Variants in MYBL1 observed in about 807,000 individuals in gnomAD.
MYBL1 encodes the protein myb-related protein A.
In MYBL1, 17 loss-of-function variants were observed where a neutral mutation model predicts 96.3. That is an observed-to-expected ratio of 0.18 (90% CI 0.12 to 0.26). The LOEUF (loss-of-function observed/expected upper bound fraction) is 0.26. MYBL1 is among the 10% of genes least tolerant of loss of function. MYBL1 has a pLI of 1.00. For missense variants in MYBL1, 701 were observed against 882.9 expected (o/e 0.79, Z 2.61); for synonymous variants, 282 against 292.7 (o/e 0.96, Z 0.37).
intron 12 of MYBL1, among the ~76,000 whole-genome samples, chr8:66,571,261 GT>G (rs1166271982): frequency 6.6e-6 from 1 of 152,168 alleles, no homozygotes; most frequent in East Asian, 1.9e-4. Flanking sequence ...ACACTTCCCA[GT>G]CCTATTCATT....
In MYBL1 at chr8:66,573,602, C is replaced by T. The variant is rs780117322; in HGVS notation, c.1471-96G>A. ...AGATTTTCAAATTATTTCTTCATACCTCTTAAAAAAAGCTTATGAATAATA... is the reference window on the plus strand; with the variant it reads ...AGATTTTCAAATTATTTCTTCATACTTCTTAAAAAAAGCTTATGAATAATA... On this transcript the variant is annotated intron_variant, in intron 10 of 15. Transcript: ENST00000522677. The T allele has an allele frequency of 1.8e-4, 192 of 1,093,886 alleles. 1 individual carries two copies. Among genetic ancestry groups the T allele is most frequent in the Non-Finnish European group, 2.4e-4 (189 of 803,338 alleles). The allele number at this position is 1,093,886 out of a possible 1,614,324, so 67.8% of individuals were successfully genotyped here. A position where few individuals can be genotyped will look rare whatever the true frequency, so the allele number is the denominator to read the frequency against.
At chr8:66,572,964 C>T (rs2129750379) in intron 11 of MYBL1, among the ~76,000 whole-genome samples, 1 of 152,166 alleles carries the variant, frequency 6.6e-6, no homozygotes. Context: ...CCTATAATCC[C>T]AGCACTTTGG....
At chr8:66,596,026 C>T (rs1459626338) in intron 5 of MYBL1, among the ~76,000 whole-genome samples, 1 of 151,990 alleles carries the variant, frequency 6.6e-6, no homozygotes, top group Non-Finnish European at 1.5e-5. Context: ...TCTCGTGGAG[C>T]TTACACTCTC....
chr8:66,586,116 G>A (rs917692899), intron 8 of MYBL1, among the ~76,000 whole-genome samples: 10 of 142,834 alleles, frequency 7.0e-5, no homozygotes, highest in African/African-American at 2.7e-4. Context: ...TGCCATCCCA[G>A]CTCACTGCAC....
chr8:66,566,272 A>G, intron 14 of MYBL1, 29 bp from the exon 15 acceptor site: 1 of 1,343,720 alleles, frequency 7.4e-7, no homozygotes, highest in South Asian at 1.4e-5. Flanking sequence ...AGAGGAAAAT[A>G]ACTAATTCAA....
At chr8:66,571,741 C>T (rs1454429321) in intron 12 of MYBL1, among the ~76,000 whole-genome samples, 2 of 151,212 alleles carry the variant, frequency 1.3e-5, no homozygotes, top group East Asian at 2.0e-4. Context: ...ATTAGCTGGG[C>T]GTGGTGGCGC....
Position 66,564,833 on chromosome 8 carries a change from G to A in MYBL1, c.2131-8C>T, listed in dbSNP as rs1426929155. ...TTCCCATTCACAATTTGACTAGAAA[G>A]GAAATATTAATAGTGACATGAAAAT... is the stretch of plus-strand genomic sequence containing the variant. On this transcript the variant is annotated splice_polypyrimidine_tract_variant and splice_region_variant and intron_variant, in intron 15 of 15. Coordinates refer to ENST00000522677, the MANE Select transcript of MYBL1 (RefSeq NM_001080416.4). 4 of 1,544,274 alleles carry A rather than the reference G, an allele frequency of 2.6e-6. No homozygotes were observed. The highest frequency in any genetic ancestry group is 1.2e-5 in the South Asian group (1 of 82,842).
At chr8:66,579,718 CA>C (rs973382051) in intron 9 of MYBL1, among the ~76,000 whole-genome samples, 4 of 147,480 alleles carry the variant, frequency 2.7e-5, no homozygotes, top group Non-Finnish European at 4.5e-5. Context: ...GGGTGGAAAA[CA>C]AAAAAAAATC....
intron 2 of MYBL1, among the ~76,000 whole-genome samples, chr8:66,602,100 G>A (rs776989585): frequency 1.3e-5 from 2 of 151,926 alleles, no homozygotes; most frequent in Non-Finnish European, 2.9e-5. Context: ...CCAGGCTGGA[G>A]TGCAGTGGTG....
At chr8:66,595,787 A>C (rs2129962689) in intron 5 of MYBL1, 30 bp from the exon 6 acceptor site, 2 of 1,386,772 alleles carry the variant, frequency 1.4e-6, no homozygotes, top group Admixed American at 2.9e-5. Flanking sequence ...ATTTAAAAAG[A>C]AAAAAGGATT....
intron 10 of MYBL1, among the ~76,000 whole-genome samples, chr8:66,575,319 T>A (rs16932985): frequency 0.1 from 15,954 of 152,226 alleles, 1,872 homozygotes; most frequent in African/African-American, 0.28. Flanking sequence ...GCCACTTTAA[T>A]CTTTATCAGG....
In MYBL1 at chr8:66,562,906, CTATATATATATATAAA is replaced by C. The variant is rs1466456277; in HGVS notation, c.*1775_*1790del. On this transcript the variant is annotated 3_prime_UTR_variant, in exon 16 of 16. Transcript: ENST00000522677. ...TACCATACATTTTCTTCACTTCTCA[CTATATATATATATAAA>C]TATATATATATATAAAATATGCAAA... The C allele has an allele frequency of 6.8e-6, 1 of 147,200 alleles. No individual in the cohort carries two copies. The highest frequency in any genetic ancestry group is 2.5e-5 in the African/African-American group (1 of 40,408). The allele number at this position is 147,200 out of a possible 1,614,324, so 9.1% of individuals were successfully genotyped here.
At chr8:66,570,824 A>G (rs1808699518) in intron 12 of MYBL1, among the ~76,000 whole-genome samples, 1 of 152,236 alleles carries the variant, frequency 6.6e-6, no homozygotes, top group Non-Finnish European at 1.5e-5. Context: ...AAAAAGTGTT[A>G]TAAAATAATA....
intron 1 of MYBL1, among the ~76,000 whole-genome samples, chr8:66,603,323 G>A (rs1355594404): frequency 6.6e-6 from 1 of 151,994 alleles, no homozygotes; most frequent in African/African-American, 2.4e-5. Flanking sequence ...CTGACAAATG[G>A]TAATGGTAAA....
chr8:66,605,527 A>G (rs1348682950), intron 1 of MYBL1, among the ~76,000 whole-genome samples: 1 of 152,162 alleles, frequency 6.6e-6, no homozygotes, highest in Non-Finnish European at 1.5e-5. Flanking sequence ...TTAATGATAA[A>G]CTGAAATACA....
At chr8:66,578,596 G>C (rs1204182229) in intron 9 of MYBL1, among the ~76,000 whole-genome samples, 1 of 152,026 alleles carries the variant, frequency 6.6e-6, no homozygotes, top group Non-Finnish European at 1.5e-5. Context: ...TGCTGGAGAG[G>C]ATGTGGAGAA....
At chr8:66,601,938 C>A (rs1810088884) in intron 2 of MYBL1, among the ~76,000 whole-genome samples, 169 bp from the exon 3 acceptor site, 1 of 152,110 alleles carries the variant, frequency 6.6e-6, no homozygotes, top group Admixed American at 6.5e-5. Flanking sequence ...TCTCTAAGTT[C>A]CAATGTCATC....
chr8:66,580,011 C>A, intron 9 of MYBL1, 122 bp downstream of exon 9: 1 of 699,770 alleles, frequency 1.4e-6, no homozygotes, highest in Non-Finnish European at 2.3e-6. Context: ...TGCAAAATAT[C>A]AGAACAAAAT....
chr8:66,595,591 G>T lies in MYBL1; in HGVS notation c.679C>A (p.Pro227Thr). Residue 227 changes from proline to threonine, a missense_variant, in exon 6 of 16, where the codon CCT becomes ACT. This residue lies in a region of MYBL1 where 396 missense variants were observed against 407.4 expected (regional missense o/e 0.97). Transcript: ENST00000522677. ...HMQTQNQFYI[P>T]VQIPGYQYVS... ...GTATTAAAAGTATGTGCCTGAACAG[G>T]TATGTAAAACTGATTCTGGGTTTGC... is the stretch of plus-strand genomic sequence containing the variant. 1 of 1,561,380 alleles carries T rather than the reference G, an allele frequency of 6.4e-7. No individual in the cohort carries two copies. Among genetic ancestry groups the T allele is most frequent in the Non-Finnish European group, 8.7e-7 (1 of 1,155,194 alleles).
Sources: gnomAD v4.1 joint callset for allele counts (sites outside exome capture counted in the v4.1 genomes callset) on GRCh38, gnomAD v4.1.1 for gene constraint, gnomAD v4.1.1 regional missense constraint, MANE v1.5 for transcripts, NCBI Gene and HGNC (gene_info 2026-07-23, HGNC 2026-07-21) for gene names.